ERLEC1: variants seen among roughly 807,000 people sequenced by gnomAD.
The protein encoded by ERLEC1 is ER lectin.
Under a neutral mutation model 68.0 loss-of-function variants are expected in ERLEC1, and 47 were observed. That is an observed-to-expected ratio of 0.69 (90% CI 0.55 to 0.88). The LOEUF is 0.88. ERLEC1 is among the 40% of genes least tolerant of loss of function. The pLI is 0.00. For synonymous variants in ERLEC1, 225 were observed against 203.2 expected (o/e 1.11, Z -0.91); for missense variants, 567 against 583.8 (o/e 0.97, Z 0.30).
intron 1 of ERLEC1, among the ~76,000 whole-genome samples, chr2:53,788,991 C>T (rs747455421): frequency 2.0e-5 from 3 of 151,868 alleles, no homozygotes; most frequent in South Asian, 2.1e-4. Context: ...TATAAGCGAG[C>T]GACTAAAACT....
intron 6 of ERLEC1, 40 bp from the exon 7 acceptor site, chr2:53,801,357 T>C (rs753705740): frequency 6.6e-7 from 1 of 1,513,348 alleles, no homozygotes; most frequent in South Asian, 1.1e-5. Flanking sequence ...CCCATCTCCA[T>C]GTCTAATGAA....
chr2:53,805,192 T>A (rs992810069), intron 8 of ERLEC1, among the ~76,000 whole-genome samples: 2 of 150,934 alleles, frequency 1.3e-5, no homozygotes, highest in African/African-American at 4.9e-5. Context: ...CCGGCTAATT[T>A]TTGTATTTTT....
chr2:53,809,354 G>A, intron 10 of ERLEC1, 81 bp downstream of exon 10: 1 of 968,294 alleles, frequency 1.0e-6, no homozygotes, highest in South Asian at 1.9e-5. Flanking sequence ...AAGGGGGAAT[G>A]GTATAACTTT....
chr2:53,801,577 G>C lies in ERLEC1; in HGVS notation c.706G>C (p.Val236Leu), dbSNP rs34142625. 6.2e-7 allele frequency: 1 copy of C among 1,614,036 alleles called. No individual in the cohort carries two copies. The highest frequency in any genetic ancestry group is 1.3e-5 in the African/African-American group (1 of 75,022). ...TGAAGTTACAACTTGTGAATATGAA[G>C]TTGTCATTTTGACACCACTCTTGTG... Reference protein sequence around the residue: ...VAEVTTCEYEVVILTPLLCSH... With the variant: ...VAEVTTCEYELVILTPLLCSH... The change falls in exon 7 of 14, where the codon GTT becomes CTT. Residue 236 changes from valine to leucine, a missense_variant. Transcript: ENST00000185150.
chr2:53,814,849 C>T lies in ERLEC1; in HGVS notation c.1305-11C>T. 6.9e-6 allele frequency: 11 copies of T among 1,595,176 alleles called. No individual in the cohort carries two copies. Among genetic ancestry groups the T allele is most frequent in the Non-Finnish European group, 9.4e-6 (11 of 1,165,368 alleles). ...GATTTGGACAGTACCTTAAAGTGCT[C>T]TCTGTTTTAGGTGCAAAGAATCAGA... On this transcript the variant is annotated splice_polypyrimidine_tract_variant and intron_variant, in intron 12 of 13. Transcript: ENST00000185150.
At position 53,801,550 on chromosome 2, in the gene ERLEC1, G is replaced by A; in HGVS notation, c.679G>A (p.Ala227Thr). The A allele has an allele frequency of 5.6e-6, 9 of 1,614,142 alleles. No homozygotes were observed. Among genetic ancestry groups the A allele is most frequent in the Non-Finnish European group, 7.6e-6 (9 of 1,179,990 alleles). Residue 227 changes from alanine (A) to threonine (T), a missense_variant, in exon 7 of 14, where the codon GCT becomes ACT. Ala to Thr is a moderately conservative substitution (Grantham distance 58, BLOSUM62 0). Transcript: ENST00000185150. The stretch of plus-strand genomic sequence containing the variant: ...ATCTAAGCATGAAATTCTTTCAGTA[G>A]CTGAAGTTACAACTTGTGAATATGA... ...PESKHEILSV[A>T]EVTTCEYEVV...
intron 1 of ERLEC1, among the ~76,000 whole-genome samples, chr2:53,793,551 A>G (rs1370560705): frequency 2.6e-5 from 4 of 152,144 alleles, no homozygotes; most frequent in Non-Finnish European, 2.9e-5. Context: ...CAAAAGTTTA[A>G]TAAGTGCTCA....
chr2:53,794,313 A>G, intron 1 of ERLEC1, 32 bp from the exon 2 acceptor site: 2 of 963,136 alleles, frequency 2.1e-6, no homozygotes, highest in Non-Finnish European at 3.1e-6. Flanking sequence ...TTTCACGGAG[A>G]ACATAATGTA....
chr2:53,787,753 T>G, intron 1 of ERLEC1: 1 of 185,172 alleles, frequency 5.4e-6, no homozygotes, highest in Non-Finnish European at 1.1e-5. Flanking sequence ...TCCTTCAGTA[T>G]TACATGTCAC....
chr2:53,797,590 C>A lies in ERLEC1; in HGVS notation c.424C>A (p.Gln142Lys). 2 of 1,609,582 alleles carry A rather than the reference C, an allele frequency of 1.2e-6. No homozygotes were observed. The highest frequency in any genetic ancestry group is 2.2e-5 in the South Asian group (2 of 89,582). The change falls in exon 4 of 14, where the codon CAG becomes AAG. Residue 142 changes from glutamine (Q) to lysine (K), a missense_variant and splice_region_variant. Physicochemically the swap from Gln to Lys is moderately conservative, Grantham distance 53. Transcript: ENST00000185150. ...GTACCATGAAGAGAAAGAAACTGGT[C>A]AGGTGTGTTTTTCTTCAAAATATTA... Reference protein sequence around the residue: ...RQYHEEKETGQKINIHEYYLG... With the variant: ...RQYHEEKETGKKINIHEYYLG...
chr2:53,787,483 T>C, intron 1 of ERLEC1, 111 bp downstream of exon 1: 1 of 1,284,348 alleles, frequency 7.8e-7, no homozygotes, highest in Non-Finnish European at 1.1e-6. Flanking sequence ...TGCAGACTCT[T>C]ACCTTCCCCA....
Position 53,814,848 on chromosome 2 carries a change from T to C in ERLEC1, c.1305-12T>C. ...TGATTTGGACAGTACCTTAAAGTGCTCTCTGTTTTAGGTGCAAAGAATCAG... is the reference window on the plus strand; with the variant it reads ...TGATTTGGACAGTACCTTAAAGTGCCCTCTGTTTTAGGTGCAAAGAATCAG... On this transcript the variant is annotated splice_polypyrimidine_tract_variant and intron_variant, in intron 12 of 13. Transcript: ENST00000185150. 6.3e-7 allele frequency: 1 copy of C among 1,592,748 alleles called. No individual in the cohort carries two copies. Among genetic ancestry groups the C allele is most frequent in the South Asian group, 1.1e-5 (1 of 89,382 alleles).
intron 10 of ERLEC1, among the ~76,000 whole-genome samples, chr2:53,809,821 CAAGGTGGG>C (rs1676493338): frequency 6.6e-6 from 1 of 152,036 alleles, no homozygotes; most frequent in South Asian, 2.1e-4. Flanking sequence ...TTTGGGAGGC[CAAGGTGGG>C]CGGATCACCT....
At chr2:53,806,850 A>G (rs1194313801) in intron 8 of ERLEC1, among the ~76,000 whole-genome samples, 1 of 152,222 alleles carries the variant, frequency 6.6e-6, no homozygotes, top group Non-Finnish European at 1.5e-5. Context: ...ATTCAGGTCT[A>G]CATTCATTTC....
intron 13 of ERLEC1, among the ~76,000 whole-genome samples, chr2:53,817,135 C>T (rs1676938970): frequency 8.1e-6 from 1 of 123,940 alleles, no homozygotes; most frequent in Non-Finnish European, 1.7e-5. Flanking sequence ...TTTTTATTTA[C>T]TTATTTTTTT....
intron 8 of ERLEC1, among the ~76,000 whole-genome samples, chr2:53,802,341 C>T (rs1676050627): frequency 6.6e-6 from 1 of 152,180 alleles, no homozygotes; most frequent in Non-Finnish European, 1.5e-5. Context: ...CTTGCCTTCT[C>T]CTGTGTTCTA....
Position 53,808,425 on chromosome 2 carries a change from A to G in ERLEC1, c.1006A>G (p.Lys336Glu). 1 of 1,614,132 alleles carries G rather than the reference A, an allele frequency of 6.2e-7. No individual in the cohort carries two copies. Among genetic ancestry groups the G allele is most frequent in the Non-Finnish European group, 8.5e-7 (1 of 1,180,034 alleles). ...CAAATTGACAGATGACCAACTCATAAAAGAGTTTCTTAGTGGTTCTTACTG... is the reference window on the plus strand; with the variant it reads ...CAAATTGACAGATGACCAACTCATAGAAGAGTTTCTTAGTGGTTCTTACTG... Reference protein sequence around the residue: ...ISKLTDDQLIKEFLSGSYCFR... With the variant: ...ISKLTDDQLIEEFLSGSYCFR... The change falls in exon 9 of 14, where the codon AAA becomes GAA. Residue 336 changes from lysine (K) to glutamate (E), a missense_variant. Lys to Glu is a moderately conservative substitution (Grantham distance 56). Transcript: ENST00000185150.
chr2:53,809,702 A>C (rs779045625), intron 10 of ERLEC1, among the ~76,000 whole-genome samples: 4 of 151,958 alleles, frequency 2.6e-5, no homozygotes, highest in Non-Finnish European at 5.9e-5. Context: ...GCAGTGAGCC[A>C]AGATCACAAC....
At chr2:53,788,664 C>T (rs184664340) in intron 1 of ERLEC1, 5 of 152,044 alleles carry the variant, frequency 3.3e-5, no homozygotes, top group Admixed American at 2.0e-4. Flanking sequence ...TCCCAGAATA[C>T]TGGGATTACA....
Sources: allele counts gnomAD v4.1 joint callset (sites outside exome capture counted in the v4.1 genomes callset), GRCh38; gene constraint gnomAD v4.1.1; transcripts MANE v1.5; gene names NCBI Gene and HGNC (gene_info 2026-07-23, HGNC 2026-07-21).